SMARCE1: variants seen among roughly 807,000 people sequenced by gnomAD.
SMARCE1 encodes the protein SWI/SNF related BAF chromatin remodeling complex subunit E1.
Under a neutral mutation model 54.9 loss-of-function variants are expected in SMARCE1, and 13 were observed. That is an observed-to-expected ratio of 0.24 (90% CI 0.15 to 0.38). SMARCE1 has a LOEUF of 0.38. Among genes scored for constraint, SMARCE1 ranks in the 10% least tolerant of loss-of-function variants. SMARCE1 has a pLI of 1.00. For missense variants in SMARCE1, 295 were observed against 523.8 expected (o/e 0.56, Z 4.26); for synonymous variants, 151 against 175.3 (o/e 0.86, Z 1.10).
At chr17:40,647,295 G>T (rs531884818) in intron 1 of SMARCE1, 1 of 152,246 alleles carries the variant, frequency 6.6e-6, no homozygotes, top group Non-Finnish European at 1.5e-5. Flanking sequence ...GGGAGTCTCG[G>T]AAAGTTTAAA....
Position 40,630,852 on chromosome 17 carries a change from G to A in SMARCE1, c.889C>T (p.Arg297Cys), listed in dbSNP as rs562702157. The change falls in exon 10 of 11, where the codon CGC (arginine) becomes TGC (cysteine). Residue 297 changes from arginine (R) to cysteine (C), a missense_variant. Around this residue, in one of 5 missense-constraint regions of SMARCE1, gnomAD observed 147 missense variants for 161.4 expected, o/e 0.91. Coordinates refer to ENST00000348513, the MANE Select transcript of SMARCE1 (RefSeq NM_003079.5). ...TTCTCCCTTTCCTCCTGCCTTTTGC[G>A]GGCCTGTTCCTCTGCCTGTGCAATC... Reference protein sequence around the residue: ...AEIAQAEEQARKRQEEREKEA... With the variant: ...AEIAQAEEQACKRQEEREKEA... 6 of 1,613,782 alleles carry A rather than the reference G, an allele frequency of 3.7e-6. No homozygotes were observed. The highest frequency in any genetic ancestry group is 2.2e-5 in the South Asian group (2 of 91,072).
At position 40,636,112 on chromosome 17, in the gene SMARCE1, A is replaced by G. The variant is rs763801620; in HGVS notation, c.370-10T>C. On this transcript the variant is annotated splice_polypyrimidine_tract_variant and intron_variant, in intron 6 of 10. Transcript: ENST00000348513. ...ATTCATTGTACTCTATCTGAAATTC[A>G]AATGTTTTTTGGTTTTATAATTAAC... is the stretch of plus-strand genomic sequence containing the variant. 1 of 1,587,252 alleles carries G rather than the reference A, an allele frequency of 6.3e-7. No homozygotes were observed. The highest frequency in any genetic ancestry group is 1.2e-5 in the South Asian group (1 of 86,174).
At chr17:40,646,365 C>T (rs1484791921) in intron 1 of SMARCE1, among the ~76,000 whole-genome samples, 1 of 152,150 alleles carries the variant, frequency 6.6e-6, no homozygotes, top group African/African-American at 2.4e-5. Context: ...TGGTAAATAG[C>T]TTCATAAATG....
At chr17:40,644,861 C>T (rs2037238240) in intron 3 of SMARCE1, 1 of 151,928 alleles carries the variant, frequency 6.6e-6, no homozygotes, top group South Asian at 2.1e-4. Flanking sequence ...AAACAAAACC[C>T]CCCCTCCCAA....
At chr17:40,629,264 G>C in intron 10 of SMARCE1, 2 of 410,876 alleles carry the variant, frequency 4.9e-6, no homozygotes, top group South Asian at 1.0e-4. Flanking sequence ...ATTGAGATGT[G>C]TATAAAGACT....
At chr17:40,631,740 G>T (rs762396963) in intron 8 of SMARCE1, 47 bp from the exon 9 acceptor site, 3 of 1,036,214 alleles carry the variant, frequency 2.9e-6, no homozygotes, top group African/African-American at 3.2e-5. Flanking sequence ...TTTTTTAATG[G>T]TCCATACTTT....
Position 40,628,788 on chromosome 17 carries a change from T to C in SMARCE1, c.1233A>G (p.Glu411=), listed in dbSNP as rs1555605056. ...AACACACAAAACAAGGCAACACTTATTCTTTTTTCTCATCTTCTGGTATGG... is the reference window on the plus strand; with the variant it reads ...AACACACAAAACAAGGCAACACTTACTCTTTTTTCTCATCTTCTGGTATGG... ...TDPIPEDEKK[E] The change falls in exon 11 of 11, where the codon GAA becomes GAG. Residue 411 remains glutamate, a synonymous_variant. Coordinates refer to ENST00000348513, the MANE Select transcript of SMARCE1 (RefSeq NM_003079.5). The C allele has an allele frequency of 1.2e-6, 2 of 1,611,496 alleles. No homozygotes were observed. Among genetic ancestry groups the C allele is most frequent in the Non-Finnish European group, 1.7e-6 (2 of 1,177,804 alleles).
chr17:40,646,320 A>G (rs1252803830), intron 1 of SMARCE1, among the ~76,000 whole-genome samples: 2 of 152,226 alleles, frequency 1.3e-5, no homozygotes, highest in Non-Finnish European at 2.9e-5. Context: ...GCAAAAGGTA[A>G]TTGGTATGAC....
At position 40,625,580 on chromosome 17, in the gene SMARCE1, C is replaced by CAT. The variant is rs3033070; in HGVS notation, c.*3204_*3205insAT. ...TAATACCAGCTTCACTGCCTGTTCA[C>CAT]GAGAAACCAAAGCTTCAATTTAACT... On this transcript the variant is annotated 3_prime_UTR_variant, in exon 11 of 11. Coordinates refer to ENST00000348513, the MANE Select transcript of SMARCE1 (RefSeq NM_003079.5). 0.7 allele frequency: 105,829 copies of CAT among 151,910 alleles called. 37,635 individuals are homozygous for CAT. Among genetic ancestry groups the CAT allele is most frequent in the African/African-American group, 0.85 (35,150 of 41,444 alleles). 9.4% of individuals were successfully genotyped at this position (151,910 alleles called of 1,614,324 possible).
chr17:40,628,747 TA>T lies in SMARCE1; in HGVS notation c.*37del, dbSNP rs1321258878. 8 of 1,538,188 alleles carry T rather than the reference TA, an allele frequency of 5.2e-6. No homozygotes were observed. Among genetic ancestry groups the T allele is most frequent in the East Asian group, 2.3e-5 (1 of 44,346 alleles). ...TTAAAACCAAAAAACATTTTTTCAT[TA>T]AAAAAAGTATTTAGAACACACAAAA... On this transcript the variant is annotated 3_prime_UTR_variant, in exon 11 of 11. Coordinates refer to ENST00000348513, the MANE Select transcript of SMARCE1 (RefSeq NM_003079.5).
At chr17:40,638,561 CCACCCAGATAA>C in intron 4 of SMARCE1, among the ~76,000 whole-genome samples, 1 of 152,216 alleles carries the variant, frequency 6.6e-6, no homozygotes, top group South Asian at 2.1e-4. Context: ...CTCTGGTAGA[CCACCCAGATAA>C]CACCCATCTA....
chr17:40,632,047 G>T, intron 8 of SMARCE1, 148 bp downstream of exon 8: 1 of 618,046 alleles, frequency 1.6e-6, no homozygotes, highest in Admixed American at 3.2e-5. Context: ...ATCTGGGAAA[G>T]GTCCACTTCC....
intron 4 of SMARCE1, among the ~76,000 whole-genome samples, chr17:40,640,364 G>A (rs1019176728): frequency 2.0e-5 from 3 of 152,110 alleles, no homozygotes; most frequent in South Asian, 2.1e-4. Flanking sequence ...AAAAGGTCTC[G>A]ACATGCTATA....
At position 40,625,702 on chromosome 17, in the gene SMARCE1, C is replaced by A. The variant is rs1314214203; in HGVS notation, c.*3083G>T. ...ATCAAAACCAAAAATCTGGAGGGATCTAGTTAAACTTCAATATGCATGACC... is the reference window on the plus strand; with the variant it reads ...ATCAAAACCAAAAATCTGGAGGGATATAGTTAAACTTCAATATGCATGACC... On this transcript the variant is annotated 3_prime_UTR_variant, in exon 11 of 11. Coordinates refer to ENST00000348513, the MANE Select transcript of SMARCE1 (RefSeq NM_003079.5). 1 of 152,156 alleles carries A rather than the reference C, an allele frequency of 6.6e-6. No individual in the cohort carries two copies. The allele number at this position is 152,156 out of a possible 1,614,324, so 9.4% of individuals were successfully genotyped here.
chr17:40,630,331 G>A (rs751684199), intron 10 of SMARCE1: 2 of 879,570 alleles, frequency 2.3e-6, no homozygotes, highest in Non-Finnish European at 3.7e-6. Flanking sequence ...CGCAGGCCAG[G>A]CAGTTGTTGT....
Position 40,635,967 on chromosome 17 carries a change from G to A in SMARCE1, c.505C>T (p.Pro169Ser). ...QRQSRMEKGEPYMSIQPAEDP... is the reference protein window; with the variant it reads ...QRQSRMEKGESYMSIQPAEDP... ...TCAGCAGGCTGAATGCTCATGTACG[G>A]TTCTCCTTTCTCCATGCGAGATTGT... is the stretch of plus-strand genomic sequence containing the variant. The change falls in exon 7 of 11, where the codon CCG (proline) becomes TCG (serine). Residue 169 changes from proline to serine, a missense_variant. Around this residue, in one of 5 missense-constraint regions of SMARCE1, gnomAD observed 101 missense variants for 183.1 expected, o/e 0.55. Coordinates refer to ENST00000348513, the MANE Select transcript of SMARCE1 (RefSeq NM_003079.5). 2 of 1,611,752 alleles carry A rather than the reference G, an allele frequency of 1.2e-6. No homozygotes were observed. The highest frequency in any genetic ancestry group is 2.2e-5 in the East Asian group (1 of 44,794).
chr17:40,640,364 G>C (rs1019176728), intron 4 of SMARCE1, among the ~76,000 whole-genome samples: 1 of 152,110 alleles, frequency 6.6e-6, no homozygotes, highest in Non-Finnish European at 1.5e-5. Context: ...AAAAGGTCTC[G>C]ACATGCTATA....
rs1046181517 is a variant in SMARCE1 at position 40,628,175 on chromosome 17, A to C, written c.*610T>G. The C allele has an allele frequency of 6.5e-6, 1 of 153,020 alleles. No individual in the cohort carries two copies. Among genetic ancestry groups the C allele is most frequent in the African/African-American group, 2.4e-5 (1 of 41,468 alleles). The allele number at this position is 153,020 out of a possible 1,614,324, so 9.5% of individuals were successfully genotyped here. Reference sequence around the variant, plus strand: ...AATGTATATGTGCTGTGTTCACTTTAATAACCACTTCATAAGTAACTACTC... The same window carrying C: ...AATGTATATGTGCTGTGTTCACTTTCATAACCACTTCATAAGTAACTACTC... On this transcript the variant is annotated 3_prime_UTR_variant, in exon 11 of 11. Coordinates refer to ENST00000348513, the MANE Select transcript of SMARCE1 (RefSeq NM_003079.5).
chr17:40,630,450 G>A, intron 10 of SMARCE1: 1 of 633,286 alleles, frequency 1.6e-6, no homozygotes, highest in Non-Finnish European at 2.8e-6. Context: ...GTGGTGGGCA[G>A]GATTGGCTTA....
Sources: allele counts gnomAD v4.1 joint callset (sites outside exome capture counted in the v4.1 genomes callset), GRCh38; gene constraint gnomAD v4.1.1; regional missense constraint gnomAD v4.1.1; transcripts MANE v1.5; gene names NCBI Gene and HGNC (gene_info 2026-07-23, HGNC 2026-07-21).